The following EPB41L3 variants were observed in gnomAD, a reference collection of about 807,000 sequenced individuals.
EPB41L3 encodes band 4.1-like protein 3.
EPB41L3 carries 57 observed loss-of-function variants against 127.1 expected under a neutral mutation model. The ratio of observed to expected loss-of-function variants is 0.45; its 90% confidence interval spans 0.36 to 0.56. The LOEUF (loss-of-function observed/expected upper bound fraction) is 0.56, where lower values mean the gene tolerates loss of function less well. Ranked by LOEUF, EPB41L3 falls within the 20% of genes least tolerant of loss-of-function variation. The pLI is 0.00. For synonymous variants in EPB41L3, 572 were observed against 549.5 expected, an observed-to-expected ratio of 1.04 and a Z score of -0.57; for missense variants, 1,273 against 1,372.2, an observed-to-expected ratio of 0.93 and a Z score of 1.14.
At chr18:5,527,010 T>TAAAA (rs33920388) in intron 1 of EPB41L3, among the ~76,000 whole-genome samples, 14 of 139,756 alleles carry the variant, frequency 1.0e-4, no homozygotes, top group African/African-American at 3.6e-4. Context: ...ATTCATTGGT[T>TAAAA]AAAAAAAAAA....
intron 3 of EPB41L3, among the ~76,000 whole-genome samples, chr18:5,467,844 C>T (rs117395559): frequency 2.0e-4 from 31 of 152,286 alleles, no homozygotes; most frequent in Admixed American, 1.6e-3. Flanking sequence ...AGGGGAGGCG[C>T]GGCCAAGACT....
Position 5,606,882 on chromosome 18 carries a change from T to TTC in EPB41L3, c.-306+5456_-306+5457dup, listed in dbSNP as rs59299599. 7.1e-3 allele frequency among the ~76,000 whole-genome samples: 1,010 copies of TTC among 141,596 alleles called. 8 individuals carry two copies. The highest frequency in any genetic ancestry group is 0.018 in the South Asian group (77 of 4,250). 92.9% of individuals were successfully genotyped at this position (141,596 alleles called of 152,430 possible). A position where few individuals can be genotyped will look rare whatever the true frequency, so the allele number is the denominator to read the frequency against. ...CTAACACCTGCCCACCATGGCGTCA[T>TTC]TCTCTCTCTCTCTCTCTCTCTCTCT... On this transcript the variant is annotated intron_variant, in intron 3 of 21. Transcript: ENST00000545076.
intron 3 of EPB41L3, among the ~76,000 whole-genome samples, chr18:5,599,668 G>A (rs142696777): frequency 5.1e-4 from 78 of 152,200 alleles, no homozygotes; most frequent in African/African-American, 1.4e-3. Context: ...TCTTGCTCCT[G>A]CTTTTGCCAT....
At chr18:5,619,458 C>G (rs1568657845) in intron 1 of EPB41L3, among the ~76,000 whole-genome samples, 1 of 152,034 alleles carries the variant, frequency 6.6e-6, no homozygotes, top group Non-Finnish European at 1.5e-5. Flanking sequence ...TTTCCCATAT[C>G]AACTCATTTC....
chr18:5,438,101 C>T lies in EPB41L3; in HGVS notation c.539G>A (p.Trp180Ter), dbSNP rs757736010. Residue 180 changes from tryptophan to a stop codon, truncating the protein, a stop_gained, in exon 6 of 23, where the codon TGG becomes TAG. Coordinates refer to ENST00000341928, the MANE Select transcript of EPB41L3 (RefSeq NM_012307.5). LOFTEE classifies it high-confidence loss of function. Reference sequence around the variant, plus strand: ...AAATTTCACATTAAATGAAAAGTGCCAAGCACCACCTGCAAGGATGGAAAA... The same window carrying T: ...AAATTTCACATTAAATGAAAAGTGCTAAGCACCACCTGCAAGGATGGAAAA... ...EIKKQVRSGA[W>*]HFSFNVKFYP... The T allele has an allele frequency of 6.2e-7, 1 of 1,613,448 alleles. No individual in the cohort carries two copies. Among genetic ancestry groups the T allele is most frequent in the Non-Finnish European group, 8.5e-7 (1 of 1,179,826 alleles).
chr18:5,556,490 C>T (rs545499681), intron 3 of EPB41L3, among the ~76,000 whole-genome samples: 22 of 152,232 alleles, frequency 1.4e-4, no homozygotes, highest in East Asian at 5.8e-4. Context: ...CCACAAGAGG[C>T]GGGAGAATGA....
intron 13 of EPB41L3, among the ~76,000 whole-genome samples, chr18:5,411,705 T>C (rs1022257731): frequency 6.9e-6 from 1 of 144,864 alleles, no homozygotes; most frequent in African/African-American, 2.8e-5. Context: ...TCTATGATGG[T>C]GAATCTGGTT....
chr18:5,484,070 C>G (rs921118213), intron 2 of EPB41L3, among the ~76,000 whole-genome samples: 1 of 17,152 alleles, frequency 5.8e-5, no homozygotes, highest in African/African-American at 1.2e-4. Context: ...GGCTATAAAA[C>G]AAGTCCAAAC....
At chr18:5,513,871 A>C (rs1244702462) in intron 1 of EPB41L3, among the ~76,000 whole-genome samples, 1 of 152,238 alleles carries the variant, frequency 6.6e-6, no homozygotes, top group Non-Finnish European at 1.5e-5. Flanking sequence ...ATTATGGCTC[A>C]TCCAGGACAG....
intron 3 of EPB41L3, among the ~76,000 whole-genome samples, chr18:5,476,559 T>C (rs78247158): frequency 1.3e-5 from 2 of 152,352 alleles, no homozygotes; most frequent in East Asian, 1.9e-4. Flanking sequence ...TCTTCTAGAC[T>C]CTTGGAAGAC....
At chr18:5,538,284 A>G (rs1469380883) in intron 1 of EPB41L3, among the ~76,000 whole-genome samples, 1 of 152,234 alleles carries the variant, frequency 6.6e-6, no homozygotes, top group Non-Finnish European at 1.5e-5. Flanking sequence ...GGTCACCACG[A>G]GCACTAGAAA....
chr18:5,438,771 C>T (rs1306602150), intron 5 of EPB41L3, among the ~76,000 whole-genome samples: 3 of 152,176 alleles, frequency 2.0e-5, no homozygotes, highest in African/African-American at 7.2e-5. Context: ...TAGCCAGATC[C>T]TCTTTATGCT....
At chr18:5,524,792 T>C (rs1306927703) in intron 1 of EPB41L3, among the ~76,000 whole-genome samples, 1 of 152,122 alleles carries the variant, frequency 6.6e-6, no homozygotes, top group Non-Finnish European at 1.5e-5. Context: ...GTGGATCACA[T>C]GCAAAAGGGA....
chr18:5,553,922 A>C (rs942699431), intron 3 of EPB41L3, among the ~76,000 whole-genome samples: 1 of 152,176 alleles, frequency 6.6e-6, no homozygotes, highest in Non-Finnish European at 1.5e-5. Context: ...CGTTCTGAAC[A>C]TATCTGCCAG....
chr18:5,504,030 AAAG>A (rs1272630856), intron 1 of EPB41L3, among the ~76,000 whole-genome samples: 29 of 152,312 alleles, frequency 1.9e-4, no homozygotes, highest in Middle Eastern at 3.4e-3. Flanking sequence ...TCTTCTTTCC[AAAG>A]AAGTGCCTCC....
chr18:5,629,602 CT>C (rs1255407923), upstream of EPB41L3, among the ~76,000 whole-genome samples: 24 of 152,322 alleles, frequency 1.6e-4, 1 homozygote, highest in African/African-American at 5.1e-4. Flanking sequence ...AGGCCCCCCC[CT>C]CCCCCGCGTT....
chr18:5,413,525 A>G (rs761751338), intron 13 of EPB41L3, among the ~76,000 whole-genome samples: 7 of 152,244 alleles, frequency 4.6e-5, no homozygotes, highest in Non-Finnish European at 8.8e-5. Context: ...CGAAAGTGAC[A>G]AGGCTGAATT....
chr18:5,519,329 T>C (rs1364133818), intron 1 of EPB41L3, among the ~76,000 whole-genome samples: 2 of 152,226 alleles, frequency 1.3e-5, no homozygotes, highest in Non-Finnish European at 2.9e-5. Flanking sequence ...ATCGCGACTA[T>C]ACTCCTTGTC....
chr18:5,538,645 C>A (rs78100224), intron 1 of EPB41L3, among the ~76,000 whole-genome samples: 5,839 of 152,196 alleles, frequency 0.038, 263 homozygotes, highest in African/African-American at 0.1. Flanking sequence ...ATATCATCTC[C>A]CAGCACTAAT....
Sources: allele counts gnomAD v4.1 joint callset (sites outside exome capture counted in the v4.1 genomes callset), GRCh38; gene constraint gnomAD v4.1.1; transcripts MANE v1.5; gene names NCBI Gene and HGNC (gene_info 2026-07-23, HGNC 2026-07-21).